Variants in CLDN8 observed in about 807,000 individuals in gnomAD.
CLDN8 encodes the protein claudin-8.
In CLDN8, 2 loss-of-function variants were observed where a neutral mutation model predicts 2.2. The observed-to-expected ratio is 0.90, with a 90% confidence interval of 0.37 to 2.82. CLDN8 has a LOEUF of 2.82. Ranked by LOEUF, CLDN8 falls within the 30% of genes most tolerant of loss-of-function variation. CLDN8 has a pLI of 0.10. For synonymous variants in CLDN8, 107 were observed against 104.8 expected, an observed-to-expected ratio of 1.02 and a Z score of -0.13; for missense variants, 314 against 280.5, an observed-to-expected ratio of 1.12 and a Z score of -0.85.
chr21:30,215,464 A>C lies in CLDN8; in HGVS notation c.462T>G (p.Asn154Lys). 6.2e-7 allele frequency: 1 copy of C among 1,614,068 alleles called. No homozygotes were observed. Among genetic ancestry groups the C allele is most frequent in the Non-Finnish European group, 8.5e-7 (1 of 1,179,974 alleles). ...IIRDFYNSIV[N>K]VAQKRELGEA... ...CTCCAAGCTCACGTTTTTGGGCAAC[A>C]TTCACTATTGAGTTATAGAAATCTC... is the stretch of plus-strand genomic sequence containing the variant. The change falls in exon 1 of 1, where the codon AAT becomes AAG. Residue 154 changes from asparagine to lysine, a missense_variant. Transcript: ENST00000399899.
In CLDN8 at chr21:30,215,447, T is replaced by C. The variant is rs1161371713; in HGVS notation, c.479A>G (p.Glu160Gly). Reference protein sequence around the residue: ...NSIVNVAQKRELGEALYLGWT... With the variant: ...NSIVNVAQKRGLGEALYLGWT... ...TCCTAAGTAGAGAGCTTCTCCAAGCTCACGTTTTTGGGCAACATTCACTAT... is the reference window on the plus strand; with the variant it reads ...TCCTAAGTAGAGAGCTTCTCCAAGCCCACGTTTTTGGGCAACATTCACTAT... The change falls in exon 1 of 1, where the codon GAG becomes GGG. Residue 160 changes from glutamate to glycine, a missense_variant. Glu to Gly is a moderately conservative substitution (Grantham distance 98). Coordinates refer to ENST00000399899, the MANE Select transcript of CLDN8 (RefSeq NM_199328.3). The C allele has an allele frequency of 1.2e-6, 2 of 1,614,016 alleles. No individual in the cohort carries two copies. Among genetic ancestry groups the C allele is most frequent in the East Asian group, 4.5e-5 (2 of 44,832 alleles).
chr21:30,214,096 A>T lies in CLDN8; in HGVS notation c.*1152T>A, dbSNP rs2146513646. 6.6e-6 allele frequency: 1 copy of T among 152,250 alleles called. No homozygotes were observed. Among genetic ancestry groups the T allele is most frequent in the South Asian group, 2.1e-4 (1 of 4,834 alleles). 9.4% of individuals were successfully genotyped at this position (152,250 alleles called of 1,614,324 possible). On this transcript the variant is annotated 3_prime_UTR_variant, in exon 1 of 1. Transcript: ENST00000399899. Reference sequence around the variant, plus strand: ...TTAAGCTAGACAGACGTCGACACAAACTTTCAAATTGGATTGTCAGTTTCA... The same window carrying T: ...TTAAGCTAGACAGACGTCGACACAATCTTTCAAATTGGATTGTCAGTTTCA...
rs200097700 is a variant in CLDN8 at position 30,215,679 on chromosome 21, G to T, written c.247C>A (p.Leu83Met). The change falls in exon 1 of 1, where the codon CTG becomes ATG. Residue 83 changes from leucine (L) to methionine (M), a missense_variant. Physicochemically the swap from Leu to Met is conservative, Grantham distance 15. Transcript: ENST00000399899. Reference sequence around the variant, plus strand: ...GACATCACGGAAGCAGCACACATCAGTCCTCTGGCTGCCTGTAGGTCCGGA... The same window carrying T: ...GACATCACGGAAGCAGCACACATCATTCCTCTGGCTGCCTGTAGGTCCGGA... ...LSPDLQAARGLMCAASVMSFL... is the reference protein window; with the variant it reads ...LSPDLQAARGMMCAASVMSFL... 1 of 1,614,118 alleles carries T rather than the reference G, an allele frequency of 6.2e-7. No individual in the cohort carries two copies. The highest frequency in any genetic ancestry group is 2.2e-5 in the East Asian group (1 of 44,866).
Position 30,216,058 on chromosome 21 carries a change from T to C in CLDN8, c.-133A>G. On this transcript the variant is annotated 5_prime_UTR_variant, in exon 1 of 1. Coordinates refer to ENST00000399899, the MANE Select transcript of CLDN8 (RefSeq NM_199328.3). ...ACTCGGAACCCAGTGGTTTTTCAAA[T>C]AAGAGCTGCTTTGCTACTTCTGGCC... 3.8e-6 allele frequency: 3 copies of C among 798,188 alleles called. No individual in the cohort carries two copies. Among genetic ancestry groups the C allele is most frequent in the East Asian group, 2.7e-5 (1 of 36,880 alleles). 49.4% of individuals were successfully genotyped at this position (798,188 alleles called of 1,614,324 possible).
chr21:30,215,678 A>G lies in CLDN8; in HGVS notation c.248T>C (p.Leu83Pro). 6.2e-7 allele frequency: 1 copy of G among 1,614,136 alleles called. No homozygotes were observed. Among genetic ancestry groups the G allele is most frequent in the Non-Finnish European group, 8.5e-7 (1 of 1,180,024 alleles). The change falls in exon 1 of 1, where the codon CTG becomes CCG. Residue 83 changes from leucine to proline, a missense_variant. Coordinates refer to ENST00000399899, the MANE Select transcript of CLDN8 (RefSeq NM_199328.3). ...LSPDLQAARG[L>P]MCAASVMSFL... ...GGACATCACGGAAGCAGCACACATCAGTCCTCTGGCTGCCTGTAGGTCCGG... is the reference window on the plus strand; with the variant it reads ...GGACATCACGGAAGCAGCACACATCGGTCCTCTGGCTGCCTGTAGGTCCGG...
In CLDN8 at chr21:30,214,248, A is replaced by AG. The variant is rs1188892963; in HGVS notation, c.*999dup. The AG allele has an allele frequency of 6.6e-6, 1 of 152,188 alleles. No individual in the cohort carries two copies. The highest frequency in any genetic ancestry group is 1.5e-5 in the Non-Finnish European group (1 of 67,998). 9.4% of individuals were successfully genotyped at this position (152,188 alleles called of 1,614,324 possible). ...ACAATTTTGACTCAGGTACCCACAT[A>AG]GGAGCAGGTGAAGTTCTCAAAGGAC... On this transcript the variant is annotated 3_prime_UTR_variant, in exon 1 of 1. Coordinates refer to ENST00000399899, the MANE Select transcript of CLDN8 (RefSeq NM_199328.3).
chr21:30,215,299 A>G lies in CLDN8; in HGVS notation c.627T>C (p.Tyr209=), dbSNP rs375605292. The change falls in exon 1 of 1, where the codon TAT becomes TAC. Residue 209 remains tyrosine, a synonymous_variant. Coordinates refer to ENST00000399899, the MANE Select transcript of CLDN8 (RefSeq NM_199328.3). ...IPSHRTTQKS[Y]HTGKKSPSVY... ...CGCTCGGTGACTTCTTTCCGGTGTG[A>G]TAACTTTTTTGGGTTGTGCGATGGG... 8.7e-6 allele frequency: 14 copies of G among 1,614,028 alleles called. No individual in the cohort carries two copies. The Admixed American group carries it at 1.2e-4, about 13-fold the overall frequency.
chr21:30,214,405 A>G lies in CLDN8; in HGVS notation c.*843T>C, dbSNP rs1044048130. ...ATTAAAATATATCCATACATATATGATTTCTTGTCAAAATGCATCATTCTT... is the reference window on the plus strand; with the variant it reads ...ATTAAAATATATCCATACATATATGGTTTCTTGTCAAAATGCATCATTCTT... On this transcript the variant is annotated 3_prime_UTR_variant, in exon 1 of 1. Coordinates refer to ENST00000399899, the MANE Select transcript of CLDN8 (RefSeq NM_199328.3). 2.0e-5 allele frequency: 3 copies of G among 152,134 alleles called. No homozygotes were observed. Among genetic ancestry groups the G allele is most frequent in the Non-Finnish European group, 2.9e-5 (2 of 67,990 alleles). 9.4% of individuals were successfully genotyped at this position (152,134 alleles called of 1,614,324 possible).
At position 30,214,861 on chromosome 21, in the gene CLDN8, A is replaced by G. The variant is rs1978895984; in HGVS notation, c.*387T>C. On this transcript the variant is annotated 3_prime_UTR_variant, in exon 1 of 1. Transcript: ENST00000399899. ...GTAATGGACTGGCATTTCATTTTAA[A>G]TAAAACCATATAAGCATGTCTCTAT... 2 of 166,286 alleles carry G rather than the reference A, an allele frequency of 1.2e-5. No homozygotes were observed. The highest frequency in any genetic ancestry group is 1.1e-4 in the Admixed American group (2 of 17,560). 10.3% of individuals were successfully genotyped at this position (166,286 alleles called of 1,614,324 possible).
rs1359114586 is a variant in CLDN8, at chr21:30,214,642, C to T, written c.*606G>A. 2.0e-5 allele frequency: 3 copies of T among 152,458 alleles called. No homozygotes were observed. The highest frequency in any genetic ancestry group is 4.4e-5 in the Non-Finnish European group (3 of 68,004). The allele number at this position is 152,458 out of a possible 1,614,324, so 9.4% of individuals were successfully genotyped here. A position where few individuals can be genotyped will look rare whatever the true frequency, so the allele number is the denominator to read the frequency against. ...AGGATAAAGAAGTTAGGATTTCTAA[C>T]TCCTAGGCTAAAAAACAGCATATCA... On this transcript the variant is annotated 3_prime_UTR_variant, in exon 1 of 1. Coordinates refer to ENST00000399899, the MANE Select transcript of CLDN8 (RefSeq NM_199328.3).
chr21:30,215,490 T>C lies in CLDN8; in HGVS notation c.436A>G (p.Arg146Gly). ...TTCACTATTGAGTTATAGAAATCTC[T>C]GATGATGGCATTGGCAACCCAGCTC... ...PVSWVANAII[R>G]DFYNSIVNVA... Residue 146 changes from arginine (R) to glycine (G), a missense_variant, in exon 1 of 1, where the codon AGA becomes GGA. Transcript: ENST00000399899. The C allele has an allele frequency of 6.2e-7, 1 of 1,614,052 alleles. No individual in the cohort carries two copies. The highest frequency in any genetic ancestry group is 1.1e-5 in the South Asian group (1 of 91,068).
Position 30,215,359 on chromosome 21 carries a change from G to A in CLDN8, c.567C>T (p.Asn189=), listed in dbSNP as rs76413867. 1,070 of 1,614,060 alleles carry A rather than the reference G, an allele frequency of 6.6e-4. 12 individuals are homozygous for A. In the East Asian group the frequency reaches 0.015, roughly 23 times the overall value. The change falls in exon 1 of 1, where the codon AAC becomes AAT. Residue 189 remains asparagine (N), a synonymous_variant. Coordinates refer to ENST00000399899, the MANE Select transcript of CLDN8 (RefSeq NM_199328.3). ...GALFCCVFCC[N]EKSSSYRYSI... ...AGTATCTGTAGCTACTGCTCTTTTCGTTGCAACAAAAAACGCAGCAGAACA... is the reference window on the plus strand; with the variant it reads ...AGTATCTGTAGCTACTGCTCTTTTCATTGCAACAAAAAACGCAGCAGAACA...
In CLDN8 at chr21:30,216,059, A is replaced by C; in HGVS notation, c.-134T>G. 1.3e-6 allele frequency: 1 copy of C among 799,292 alleles called. No individual in the cohort carries two copies. The highest frequency in any genetic ancestry group is 2.0e-6 in the Non-Finnish European group (1 of 507,844). 49.5% of individuals were successfully genotyped at this position (799,292 alleles called of 1,614,324 possible). ...CTCGGAACCCAGTGGTTTTTCAAAT[A>C]AGAGCTGCTTTGCTACTTCTGGCCA... On this transcript the variant is annotated 5_prime_UTR_variant, in exon 1 of 1. Transcript: ENST00000399899.
Position 30,214,398 on chromosome 21 carries a change from A to G in CLDN8, c.*850T>C, listed in dbSNP as rs1275199818. 2 of 152,130 alleles carry G rather than the reference A, an allele frequency of 1.3e-5. No individual in the cohort carries two copies. Among genetic ancestry groups the G allele is most frequent in the East Asian group, 3.8e-4 (2 of 5,200 alleles). 9.4% of individuals were successfully genotyped at this position (152,130 alleles called of 1,614,324 possible). On this transcript the variant is annotated 3_prime_UTR_variant, in exon 1 of 1. Transcript: ENST00000399899. ...AATACTTATTAAAATATATCCATAC[A>G]TATATGATTTCTTGTCAAAATGCAT...
Position 30,215,864 on chromosome 21 carries a change from G to GT in CLDN8, c.61dup (p.Thr21AsnfsTer17). On this transcript the variant is annotated frameshift_variant, in exon 1 of 1. Coordinates refer to ENST00000399899, the MANE Select transcript of CLDN8 (RefSeq NM_199328.3). LOFTEE classifies it low-confidence loss of function (END_TRUNC). ...CTGAGGCATGACAGTGACAGCCACT[G>GT]TGCCCACCATTCCAACACCACCAAG... 1 of 1,613,814 alleles carries GT rather than the reference G, an allele frequency of 6.2e-7. No individual in the cohort carries two copies.
rs1319642510 is a variant in CLDN8 at position 30,215,600 on chromosome 21, C to T, written c.326G>A (p.Gly109Glu). 4.3e-6 allele frequency: 7 copies of T among 1,613,950 alleles called. No individual in the cohort carries two copies. Among genetic ancestry groups the T allele is most frequent in the Admixed American group, 1.7e-5 (1 of 59,990 alleles). ...ILGMKCTRCT[G>E]DNEKVKAHIL... Reference sequence around the variant, plus strand: ...GTGAGCCTTCACCTTCTCATTGTCCCCCGTGCACCTGGTGCATTTCATGCC... The same window carrying T: ...GTGAGCCTTCACCTTCTCATTGTCCTCCGTGCACCTGGTGCATTTCATGCC... The change falls in exon 1 of 1, where the codon GGG (glycine) becomes GAG (glutamate). Residue 109 changes from glycine (G) to glutamate (E), a missense_variant. By Grantham distance (98) the Gly-to-Glu change is moderately conservative. Transcript: ENST00000399899.
rs949339666 is a variant in CLDN8, at chr21:30,215,598, C to T, written c.328G>A (p.Asp110Asn). 5.0e-6 allele frequency: 8 copies of T among 1,613,894 alleles called. No homozygotes were observed. The highest frequency in any genetic ancestry group is 6.8e-6 in the Non-Finnish European group (8 of 1,179,996). ...LGMKCTRCTG[D>N]NEKVKAHILL... ...ATGTGAGCCTTCACCTTCTCATTGTCCCCCGTGCACCTGGTGCATTTCATG... is the reference window on the plus strand; with the variant it reads ...ATGTGAGCCTTCACCTTCTCATTGTTCCCCGTGCACCTGGTGCATTTCATG... The change falls in exon 1 of 1, where the codon GAC becomes AAC. Residue 110 changes from aspartate to asparagine, a missense_variant. Transcript: ENST00000399899.
Position 30,215,894 on chromosome 21 carries a change from A to G in CLDN8, c.32T>C (p.Leu11Pro). ...CACCATTCCAACACCACCAAGAAAC[A>G]GCCCAGCGATTTCTAAGGCATGGGT... MATHALEIAG[L>P]FLGGVGMVGT... Residue 11 changes from leucine (L) to proline (P), a missense_variant, in exon 1 of 1, where the codon CTG becomes CCG. By Grantham distance (98) the Leu-to-Pro change is moderately conservative. Coordinates refer to ENST00000399899, the MANE Select transcript of CLDN8 (RefSeq NM_199328.3). 6.2e-7 allele frequency: 1 copy of G among 1,610,156 alleles called. No individual in the cohort carries two copies. The highest frequency in any genetic ancestry group is 8.5e-7 in the Non-Finnish European group (1 of 1,177,972).
rs1978915799 is a variant in CLDN8 at position 30,215,262 on chromosome 21, T to C, written c.664A>G (p.Ser222Gly). 6.2e-7 allele frequency: 1 copy of C among 1,613,978 alleles called. No homozygotes were observed. Among genetic ancestry groups the C allele is most frequent in the Admixed American group, 1.7e-5 (1 of 60,000 alleles). ...GKKSPSVYSRSQYV is the reference protein window; with the variant it reads ...GKKSPSVYSRGQYV ...AACATACACAACTACACATACTGAC[T>C]TCTGGAGTAGACGCTCGGTGACTTC... Residue 222 changes from serine to glycine, a missense_variant, in exon 1 of 1, where the codon AGT becomes GGT. By Grantham distance (56) the Ser-to-Gly change is moderately conservative. Transcript: ENST00000399899.
Sources: allele counts gnomAD v4.1 joint callset, GRCh38; gene constraint gnomAD v4.1.1; transcripts MANE v1.5; gene names NCBI Gene and HGNC (gene_info 2026-07-23, HGNC 2026-07-21).